ANKMY1: variants seen among roughly 807,000 people sequenced by gnomAD.
ANKMY1 encodes ankyrin repeat and MYND domain-containing protein 1.
In ANKMY1, 98 loss-of-function variants were observed where a neutral mutation model predicts 102.0. The ratio of observed to expected loss-of-function variants is 0.96; its 90% confidence interval spans 0.82 to 1.14. ANKMY1 has a LOEUF of 1.14. Among genes scored for constraint, ANKMY1 ranks in the 50% most tolerant of loss-of-function variants. The pLI, the probability that ANKMY1 is intolerant of heterozygous loss-of-function variation, is 0.00. For synonymous variants in ANKMY1, 582 were observed against 559.9 expected (o/e 1.04, Z -0.56); for missense variants, 1,330 against 1,347.6 (o/e 0.99, Z 0.20).
At position 240,552,945 on chromosome 2, in the gene ANKMY1, C is replaced by CCGTA. The variant is rs1559387166; in HGVS notation, c.445_448dup (p.Gly150ValfsTer61). 1.6e-5 allele frequency: 26 copies of CCGTA among 1,613,894 alleles called. No homozygotes were observed. In the South Asian group the frequency reaches 2.6e-4, roughly 16 times the overall value. On this transcript the variant is annotated frameshift_variant, in exon 4 of 18. Coordinates refer to ENST00000401804, the MANE Select transcript of ANKMY1 (RefSeq NM_001282771.3). LOFTEE classifies it high-confidence loss of function. Reference sequence around the variant, plus strand: ...AAGCCGTGTCTTCATGTACATGGTGCCGTAGCCTTCTCGGTGGCTGAGGTA... The same window carrying CCGTA: ...AAGCCGTGTCTTCATGTACATGGTGCCGTACGTAGCCTTCTCGGTGGCTGAGGTA...
chr2:240,526,636 T>C (rs1336391067), intron 5 of ANKMY1, 191 bp from the exon 6 acceptor site: 7 of 1,440,964 alleles, frequency 4.9e-6, no homozygotes, highest in Non-Finnish European at 6.3e-6. Flanking sequence ...TTGCACACGG[T>C]GGTGCAGACA....
At chr2:240,546,381 A>G (rs2090374926) in intron 4 of ANKMY1, among the ~76,000 whole-genome samples, 1 of 152,236 alleles carries the variant, frequency 6.6e-6, no homozygotes, top group Non-Finnish European at 1.5e-5. Context: ...GGAAAGGAAC[A>G]ACTGATACCA....
intron 7 of ANKMY1, among the ~76,000 whole-genome samples, 190 bp downstream of exon 7, chr2:240,525,495 C>T (rs997143359): frequency 6.6e-6 from 1 of 152,222 alleles, no homozygotes; most frequent in Non-Finnish European, 1.5e-5. Context: ...AAAGAACACA[C>T]ATACCTTGGC....
the ANKMY1 span, among the ~76,000 whole-genome samples, chr2:240,473,224 A>G: frequency 9.9e-5 from 15 of 151,806 alleles, no homozygotes; most frequent in East Asian, 1.7e-3. Flanking sequence ...TGACAATTCA[A>G]AACAATCATC....
rs751497859 is a variant in ANKMY1, at chr2:240,509,341, T to C, written c.2394+7A>G. 4.4e-6 allele frequency: 7 copies of C among 1,608,934 alleles called. No homozygotes were observed. Among genetic ancestry groups the C allele is most frequent in the Admixed American group, 3.3e-5 (2 of 59,906 alleles). On this transcript the variant is annotated splice_region_variant and intron_variant, in intron 12 of 17. Coordinates refer to ENST00000401804, the MANE Select transcript of ANKMY1 (RefSeq NM_001282771.3). ...TGCACAGGTCTGTGGGTACAGAACATGCTCACCAGCTCATTCCCACTGGCA... is the reference window on the plus strand; with the variant it reads ...TGCACAGGTCTGTGGGTACAGAACACGCTCACCAGCTCATTCCCACTGGCA...
At chr2:240,482,822 G>C (rs150273457) in intron 15 of ANKMY1, among the ~76,000 whole-genome samples, 40 of 152,264 alleles carry the variant, frequency 2.6e-4, no homozygotes, top group Non-Finnish European at 5.3e-4. Flanking sequence ...AGGCTTGTAT[G>C]GTTCAACTTC....
Position 240,511,985 on chromosome 2 carries a change from G to T in ANKMY1, c.2162C>A (p.Ser721Ter). 6.4e-7 allele frequency: 1 copy of T among 1,559,498 alleles called. No individual in the cohort carries two copies. The highest frequency in any genetic ancestry group is 2.0e-5 in the Admixed American group (1 of 48,816). Reference sequence around the variant, plus strand: ...TGGCTCATTGCTGAGCTTCAGACTTGAGGGCAGCAGGTCCAGCTGTGTAAA... The same window carrying T: ...TGGCTCATTGCTGAGCTTCAGACTTTAGGGCAGCAGGTCCAGCTGTGTAAA... ...YKPGKLDLLP[S>*]SLKLSNEPGP... Residue 721 changes from serine (S) to a stop codon, truncating the protein, a stop_gained, in exon 11 of 18, where the codon TCA becomes TAA. Coordinates refer to ENST00000401804, the MANE Select transcript of ANKMY1 (RefSeq NM_001282771.3). LOFTEE classifies it high-confidence loss of function.
At chr2:240,537,220 G>C (rs2087009200) in intron 4 of ANKMY1, among the ~76,000 whole-genome samples, 2 of 152,028 alleles carry the variant, frequency 1.3e-5, no homozygotes, top group South Asian at 4.2e-4. Flanking sequence ...ATTGTTTCAA[G>C]GCCTTTTGTT....
intron 11 of ANKMY1, among the ~76,000 whole-genome samples, chr2:240,510,512 C>A (rs2079971466): frequency 6.6e-6 from 1 of 152,200 alleles, no homozygotes; most frequent in African/African-American, 2.4e-5. Flanking sequence ...CCTCCTCCCC[C>A]ACTGCAGGGA....
chr2:240,530,045 G>C (rs78738355), intron 4 of ANKMY1, among the ~76,000 whole-genome samples: 11,646 of 152,232 alleles, frequency 0.077, 497 homozygotes, highest in Middle Eastern at 0.2. Flanking sequence ...AGGAGAAAGA[G>C]GGGGACAGAG....
At chr2:240,470,384 G>A in the ANKMY1 span, among the ~76,000 whole-genome samples, 7 of 152,356 alleles carry the variant, frequency 4.6e-5, no homozygotes, top group Admixed American at 3.3e-4. Flanking sequence ...TGAGGGGAAA[G>A]CACACAGGCT....
the ANKMY1 span, among the ~76,000 whole-genome samples, chr2:240,470,314 G>A: frequency 9.2e-5 from 14 of 152,214 alleles, no homozygotes; most frequent in African/African-American, 3.4e-4. Flanking sequence ...TCAAAGAAGT[G>A]GGTAGAGTCT....
At chr2:240,533,780 C>T (rs769849511) in intron 4 of ANKMY1, among the ~76,000 whole-genome samples, 6 of 150,698 alleles carry the variant, frequency 4.0e-5, no homozygotes, top group Non-Finnish European at 7.4e-5. Context: ...AGTGATGCGT[C>T]ATGAAAAAAA....
At chr2:240,494,045 C>T (rs991057228) in intron 15 of ANKMY1, among the ~76,000 whole-genome samples, 1 of 152,118 alleles carries the variant, frequency 6.6e-6, no homozygotes, top group African/African-American at 2.4e-5. Context: ...TAGGTGCCAG[C>T]TGAGGTGGTG....
rs749454787 is a variant in ANKMY1 at position 240,520,529 on chromosome 2, T to G, written c.1837A>C (p.Arg613=). The G allele has an allele frequency of 6.2e-7, 1 of 1,611,238 alleles. No homozygotes were observed. Among genetic ancestry groups the G allele is most frequent in the Non-Finnish European group, 8.5e-7 (1 of 1,178,770 alleles). ...RRMALSMIER[R]KRWRTIKLLL... is the part of the protein sequence containing the mutation. ...AGCTTGATGGTCCGCCAGCGCTTCC[T>G]CCGCCTGAAAAAGACGGTGCGCCCG... Residue 613 remains arginine (R), a synonymous_variant, in exon 9 of 18, where the codon AGG becomes CGG. Coordinates refer to ENST00000401804, the MANE Select transcript of ANKMY1 (RefSeq NM_001282771.3). The surrounding 1 kb of genome is among the most constrained non-coding windows in gnomAD (Gnocchi z 4.8).
At chr2:240,557,077 T>G in intron 2 of ANKMY1, 113 bp downstream of exon 2, 19 of 1,205,184 alleles carry the variant, frequency 1.6e-5, no homozygotes, top group Non-Finnish European at 2.1e-5. Context: ...AGAAACTAGT[T>G]TCTCAGGGAG....
intron 3 of ANKMY1, chr2:240,554,361 A>G (rs904364292): frequency 1.3e-5 from 2 of 154,426 alleles, no homozygotes; most frequent in African/African-American, 2.4e-5. Context: ...ACCTAGTTAC[A>G]TCATTAGAAT....
chr2:240,508,646 G>A (rs371740521), intron 12 of ANKMY1, among the ~76,000 whole-genome samples: 1 of 152,202 alleles, frequency 6.6e-6, no homozygotes, highest in Admixed American at 6.5e-5. Context: ...CTCCTCCAAC[G>A]AGAATATAGG....
intron 11 of ANKMY1, among the ~76,000 whole-genome samples, chr2:240,509,785 G>A (rs753480965): frequency 9.1e-4 from 138 of 152,210 alleles, no homozygotes; most frequent in Non-Finnish European, 1.6e-3. Flanking sequence ...ATGACCACGT[G>A]GCAGGTCCTG....
Sources: allele counts gnomAD v4.1 joint callset (sites outside exome capture counted in the v4.1 genomes callset), GRCh38; gene constraint gnomAD v4.1.1; non-coding constraint Gnocchi (gnomAD v3.1); transcripts MANE v1.5; gene names NCBI Gene and HGNC (gene_info 2026-07-23, HGNC 2026-07-21).